The following EPHB1 variants were observed in gnomAD, a reference collection of about 807,000 sequenced individuals.
EPHB1 encodes the protein EPH receptor B1.
EPHB1 carries 30 observed loss-of-function variants against 94.4 expected under a neutral mutation model. The ratio of observed to expected loss-of-function variants is 0.32; its 90% CI spans 0.24 to 0.43. The LOEUF is 0.43. Among genes scored for constraint, EPHB1 ranks in the 20% least tolerant of loss-of-function variants. The pLI is 1.00. For missense variants in EPHB1, 1,055 were observed against 1,308.3 expected (o/e 0.81, Z 2.99); for synonymous variants, 522 against 489.1 (o/e 1.07, Z -0.89).
intron 6 of EPHB1, among the ~76,000 whole-genome samples, chr3:135,159,396 A>C (rs1404306691): frequency 3.3e-5 from 5 of 152,258 alleles, no homozygotes; most frequent in African/African-American, 1.2e-4. Flanking sequence ...AATAACAGCT[A>C]TCCAGTCACT....
Position 135,011,707 on chromosome 3 carries a change from G to C in EPHB1, c.805+59655G>C, listed in dbSNP as rs767319945. Among the ~76,000 whole-genome samples the C allele has an allele frequency of 5.3e-5, 8 of 152,306 alleles. No homozygotes were observed. The South Asian group carries it at 6.2e-4, about 12-fold the overall frequency. Reference sequence around the variant, plus strand: ...CACACTTCCCTTACAACATGTGGCTGTCTTATTACTGCAGGGCCTCTCAGG... The same window carrying C: ...CACACTTCCCTTACAACATGTGGCTCTCTTATTACTGCAGGGCCTCTCAGG... On this transcript the variant is annotated intron_variant, in intron 3 of 15. Coordinates refer to ENST00000398015, the MANE Select transcript of EPHB1 (RefSeq NM_004441.5).
chr3:134,813,332 C>T lies in EPHB1; in HGVS notation c.58+17643C>T, dbSNP rs546879784. 2.6e-5 allele frequency among the ~76,000 whole-genome samples: 4 copies of T among 152,330 alleles called. No individual in the cohort carries two copies. In the South Asian group the frequency reaches 8.3e-4, roughly 32 times the overall value. On this transcript the variant is annotated intron_variant, in intron 1 of 15. Transcript: ENST00000398015. ...GCTCAGTAGAAAGGAAGGGCATTCT[C>T]CTGCCTCTACTTGGCATTGCAGGAG...
Position 134,925,820 on chromosome 3 carries a change from G to T in EPHB1, c.63G>T (p.Thr21=). Residue 21 remains threonine (T), a synonymous_variant, in exon 2 of 16, where the codon ACG becomes ACT. Transcript: ENST00000398015. The part of the protein sequence containing the change: ...LASAVAAMEE[T]LMDTRTATAE... ...TTTTTTCTTTTTAATCTACAGAAAC[G>T]TTAATGGACACCAGAACGGCTACTG... 6.3e-7 allele frequency: 1 copy of T among 1,597,410 alleles called. No homozygotes were observed. Among genetic ancestry groups the T allele is most frequent in the South Asian group, 1.1e-5 (1 of 88,112 alleles).
At chr3:134,945,762 G>A (rs73226302) in intron 2 of EPHB1, among the ~76,000 whole-genome samples, 2,926 of 152,306 alleles carry the variant, frequency 0.019, 49 homozygotes, top group South Asian at 0.033. Flanking sequence ...GCCTAGAAGT[G>A]GAGGCTAAGA....
At chr3:134,836,545 A>T (rs1313151721) in intron 1 of EPHB1, among the ~76,000 whole-genome samples, 5 of 152,212 alleles carry the variant, frequency 3.3e-5, no homozygotes, top group African/African-American at 9.6e-5. Context: ...TAAAAACTAC[A>T]CTTCATTAGG....
chr3:135,236,456 A>G (rs973232090), intron 12 of EPHB1, among the ~76,000 whole-genome samples: 2 of 152,112 alleles, frequency 1.3e-5, no homozygotes, highest in African/African-American at 4.8e-5. Flanking sequence ...TAGGACTTCA[A>G]CATGTCTTTT....
At chr3:134,908,465 A>G (rs1349720363) in intron 1 of EPHB1, among the ~76,000 whole-genome samples, 1 of 152,160 alleles carries the variant, frequency 6.6e-6, no homozygotes, top group Admixed American at 6.5e-5. Context: ...TTTGTTCCCT[A>G]TGCCTGTCAC....
intron 12 of EPHB1, among the ~76,000 whole-genome samples, chr3:135,203,813 A>G (rs1942823534): frequency 6.6e-6 from 1 of 152,136 alleles, no homozygotes; most frequent in South Asian, 2.1e-4. Context: ...TTTGGGCATC[A>G]TTGCCGCCAA....
At chr3:135,008,432 G>T (rs1253119401) in intron 3 of EPHB1, among the ~76,000 whole-genome samples, 2 of 151,790 alleles carry the variant, frequency 1.3e-5, no homozygotes, top group Non-Finnish European at 2.9e-5. Flanking sequence ...TGGCTACAGA[G>T]TGTGTTCTTA....
chr3:135,171,997 A>G (rs571168210), intron 9 of EPHB1, among the ~76,000 whole-genome samples: 2 of 152,348 alleles, frequency 1.3e-5, no homozygotes, highest in East Asian at 3.9e-4. Context: ...ATATATAAAC[A>G]GTGTCTTGAT....
At chr3:134,905,560 G>A (rs2038305472) in intron 1 of EPHB1, among the ~76,000 whole-genome samples, 1 of 152,230 alleles carries the variant, frequency 6.6e-6, no homozygotes, top group Non-Finnish European at 1.5e-5. Context: ...GGGAAAAGGT[G>A]CAATGGAGTG....
chr3:135,210,463 T>C (rs1210367762), intron 12 of EPHB1, among the ~76,000 whole-genome samples: 1 of 152,150 alleles, frequency 6.6e-6, no homozygotes, highest in Admixed American at 6.5e-5. Context: ...CAAATGTACT[T>C]CATTTGGGAA....
At chr3:135,243,010 G>A (rs1296023726) in intron 13 of EPHB1, among the ~76,000 whole-genome samples, 1 of 150,984 alleles carries the variant, frequency 6.6e-6, no homozygotes, top group Non-Finnish European at 1.5e-5. Context: ...TGGAGGCAGA[G>A]GTTGCAGTGA....
intron 3 of EPHB1, among the ~76,000 whole-genome samples, chr3:135,063,468 A>G (rs1576356236): frequency 6.6e-6 from 1 of 152,028 alleles, no homozygotes; most frequent in African/African-American, 2.4e-5. Context: ...AAGGGATTGA[A>G]TTCTTGATTT....
intron 1 of EPHB1, among the ~76,000 whole-genome samples, chr3:134,834,385 A>C (rs547651004): frequency 6.6e-6 from 1 of 152,238 alleles, no homozygotes; most frequent in East Asian, 1.9e-4. Context: ...TCCAGAGTTA[A>C]GAAAAATTGT....
At chr3:135,117,886 T>C (rs1939777425) in intron 4 of EPHB1, among the ~76,000 whole-genome samples, 1 of 151,410 alleles carries the variant, frequency 6.6e-6, no homozygotes, top group Non-Finnish European at 1.5e-5. Flanking sequence ...AGCTGTGTAG[T>C]GAGATGAAGC....
chr3:135,059,574 C>T (rs775968336), intron 3 of EPHB1, among the ~76,000 whole-genome samples: 41 of 152,192 alleles, frequency 2.7e-4, no homozygotes, highest in Non-Finnish European at 5.0e-4. Context: ...GCAATTGTTG[C>T]TGGGTCTCCC....
intron 2 of EPHB1, among the ~76,000 whole-genome samples, chr3:134,947,631 T>C (rs2039238821): frequency 6.6e-6 from 1 of 152,204 alleles, no homozygotes; most frequent in Non-Finnish European, 1.5e-5. Flanking sequence ...GGGTCACCCA[T>C]TGTGATTTCT....
At chr3:135,210,331 C>G (rs1290524811) in intron 12 of EPHB1, among the ~76,000 whole-genome samples, 1 of 152,116 alleles carries the variant, frequency 6.6e-6, no homozygotes, top group Non-Finnish European at 1.5e-5. Context: ...TATAGGATAT[C>G]ACAGTAGAGC....
Sources: allele counts gnomAD v4.1 joint callset (sites outside exome capture counted in the v4.1 genomes callset), GRCh38; gene constraint gnomAD v4.1.1; transcripts MANE v1.5; gene names NCBI Gene and HGNC (gene_info 2026-07-23, HGNC 2026-07-21).